The following RIT2 variants were observed in gnomAD, a reference collection of about 807,000 sequenced individuals.
RIT2 encodes GTP-binding protein Rit2.
A neutral mutation model predicts 23.7 loss-of-function variants in RIT2; 24 were observed. The ratio of observed to expected loss-of-function variants is 1.01; its 90% CI spans 0.73 to 1.43. RIT2 has a LOEUF of 1.43. RIT2 is among the 40% of genes most tolerant of loss of function. RIT2 has a pLI of 0.00. For synonymous variants in RIT2, 107 were observed against 91.1 expected, an observed-to-expected ratio of 1.17 and a Z score of -0.99; for missense variants, 236 against 266.9, an observed-to-expected ratio of 0.88 and a Z score of 0.81.
intron 4 of RIT2, among the ~76,000 whole-genome samples, chr18:42,778,053 C>T (rs1311784038): frequency 6.6e-6 from 1 of 152,120 alleles, no homozygotes; most frequent in Non-Finnish European, 1.5e-5. Context: ...CTACAACTGC[C>T]ATTTGGAAAT....
intron 4 of RIT2, among the ~76,000 whole-genome samples, chr18:42,872,702 AG>A (rs1366209881): frequency 6.6e-6 from 1 of 152,338 alleles, no homozygotes; most frequent in East Asian, 1.9e-4. Flanking sequence ...TATTTTTAAA[AG>A]CACTTTTATT....
chr18:43,015,257 T>G (rs1202751329), intron 2 of RIT2, among the ~76,000 whole-genome samples: 1 of 151,554 alleles, frequency 6.6e-6, no homozygotes, highest in African/African-American at 2.4e-5. Context: ...AATGATAGCA[T>G]AGCTAAGAGA....
intron 4 of RIT2, among the ~76,000 whole-genome samples, chr18:42,753,885 C>T (rs1341931745): frequency 1.3e-5 from 2 of 152,268 alleles, no homozygotes; most frequent in East Asian, 3.9e-4. Flanking sequence ...AGAAAATCAT[C>T]TTCCATTTAA....
At chr18:42,851,710 C>T (rs906577407) in intron 4 of RIT2, among the ~76,000 whole-genome samples, 4 of 151,928 alleles carry the variant, frequency 2.6e-5, no homozygotes, top group Non-Finnish European at 5.9e-5. Flanking sequence ...ATTAGCCAGG[C>T]GTGGTGGCAC....
At chr18:43,108,461 G>A (rs1217941620) in intron 1 of RIT2, among the ~76,000 whole-genome samples, 1 of 152,030 alleles carries the variant, frequency 6.6e-6, no homozygotes, top group African/African-American at 2.4e-5. Flanking sequence ...GCAAGGGAAT[G>A]TGACAGACCA....
chr18:42,765,570 G>A lies in RIT2; in HGVS notation c.427-21850C>T, dbSNP rs191132487. On this transcript the variant is annotated intron_variant, in intron 4 of 4. Transcript: ENST00000326695. ...TAAGGTCAGCCCTCACATACTGAGAGGACAAAAGCAAAACCCAAGCCCCAG... is the reference window on the plus strand; with the variant it reads ...TAAGGTCAGCCCTCACATACTGAGAAGACAAAAGCAAAACCCAAGCCCCAG... Among the ~76,000 whole-genome samples, 23 of 152,262 alleles carry A rather than the reference G, an allele frequency of 1.5e-4. No homozygotes were observed. In the East Asian group the frequency reaches 4.1e-3, roughly 27 times the overall value.
intron 4 of RIT2, among the ~76,000 whole-genome samples, chr18:42,752,782 G>C (rs1284375231): frequency 6.6e-6 from 1 of 152,060 alleles, no homozygotes; most frequent in Admixed American, 6.6e-5. Context: ...AATGTTGCAG[G>C]GAGATTATTT....
At chr18:42,757,381 T>G (rs991883607) in intron 4 of RIT2, among the ~76,000 whole-genome samples, 1 of 152,168 alleles carries the variant, frequency 6.6e-6, no homozygotes, top group Non-Finnish European at 1.5e-5. Context: ...GAGTAGCAGA[T>G]GACTTTGATG....
chr18:43,070,973 A>G (rs1912883780), intron 1 of RIT2, among the ~76,000 whole-genome samples: 1 of 152,208 alleles, frequency 6.6e-6, no homozygotes, highest in South Asian at 2.1e-4. Context: ...TTGCACTTGT[A>G]TAAAATGTGA....
chr18:42,851,563 A>C (rs1907054392), intron 4 of RIT2, among the ~76,000 whole-genome samples: 1 of 152,142 alleles, frequency 6.6e-6, no homozygotes, highest in African/African-American at 2.4e-5. Context: ...CTTAAAAGGT[A>C]GGTAAAGGGC....
intron 4 of RIT2, among the ~76,000 whole-genome samples, chr18:42,753,280 A>T (rs1913089274): frequency 6.6e-6 from 1 of 152,260 alleles, no homozygotes; most frequent in Admixed American, 6.5e-5. Flanking sequence ...AAAATAAAAT[A>T]CAATAAATTA....
In RIT2 at chr18:42,894,094, C is replaced by T. The variant is rs771531323; in HGVS notation, c.426+29478G>A. ...ATGGCGCTCAGCAGAAAGAGCACAG[C>T]TTAGCTGATCCCTTGCAGCTGTACA... On this transcript the variant is annotated intron_variant, in intron 4 of 4. Transcript: ENST00000326695. Among the ~76,000 whole-genome samples the T allele has an allele frequency of 6.0e-4, 91 of 152,204 alleles. 2 individuals carry two copies. Among genetic ancestry groups the T allele is most frequent in the Non-Finnish European group, 1.2e-4 (8 of 68,040 alleles).
Position 43,093,280 on chromosome 18 carries a change from C to T in RIT2, c.103+22137G>A, listed in dbSNP as rs534509888. On this transcript the variant is annotated intron_variant, in intron 1 of 4. Transcript: ENST00000326695. Reference sequence around the variant, plus strand: ...TGTCACTGTCAGTCAAGGAAAAATGCTCATTTCCCTGAGTCTATTGGAGTG... The same window carrying T: ...TGTCACTGTCAGTCAAGGAAAAATGTTCATTTCCCTGAGTCTATTGGAGTG... 1.4e-4 allele frequency among the ~76,000 whole-genome samples: 21 copies of T among 152,098 alleles called. 1 individual carries two copies. The South Asian group carries it at 3.7e-3, about 27-fold the overall frequency.
intron 4 of RIT2, among the ~76,000 whole-genome samples, chr18:42,746,019 G>C (rs1015385069): frequency 2.0e-5 from 3 of 152,018 alleles, no homozygotes; most frequent in Non-Finnish European, 2.9e-5. Flanking sequence ...AGCAGCTAAG[G>C]AGTAGATTTT....
chr18:42,828,473 G>C (rs1906366728), intron 4 of RIT2, among the ~76,000 whole-genome samples: 1 of 152,192 alleles, frequency 6.6e-6, no homozygotes, highest in Non-Finnish European at 1.5e-5. Context: ...ATTATTTAGT[G>C]ATAACTTTGG....
At chr18:42,982,108 A>G (rs117801623) in intron 2 of RIT2, among the ~76,000 whole-genome samples, 1 of 152,296 alleles carries the variant, frequency 6.6e-6, no homozygotes, top group Non-Finnish European at 1.5e-5. Context: ...CTCTTCATTG[A>G]TGGTGGAAGG....
intron 4 of RIT2, among the ~76,000 whole-genome samples, chr18:42,865,485 G>C (rs1318381808): frequency 1.3e-5 from 2 of 152,098 alleles, no homozygotes; most frequent in African/African-American, 4.8e-5. Context: ...TTTAACATAA[G>C]AGGCTTTCCC....
intron 4 of RIT2, among the ~76,000 whole-genome samples, chr18:42,865,156 C>T (rs952207173): frequency 1.3e-5 from 2 of 152,176 alleles, no homozygotes; most frequent in African/African-American, 4.8e-5. Flanking sequence ...TCCCTCACAA[C>T]AAACTCTGGC....
intron 4 of RIT2, among the ~76,000 whole-genome samples, chr18:42,809,000 T>C (rs1568001616): frequency 6.6e-6 from 1 of 152,276 alleles, no homozygotes; most frequent in South Asian, 2.1e-4. Flanking sequence ...GTACGCACAT[T>C]GGGTGAAATT....
Sources: allele counts gnomAD v4.1 joint callset (sites outside exome capture counted in the v4.1 genomes callset), GRCh38; gene constraint gnomAD v4.1.1; transcripts MANE v1.5; gene names NCBI Gene and HGNC (gene_info 2026-07-23, HGNC 2026-07-21).